The following UNC79 variants were observed in gnomAD, a reference collection of about 807,000 sequenced individuals.
UNC79 encodes the protein protein unc-79 homolog.
Under a neutral mutation model 283.1 loss-of-function variants are expected in UNC79, and 37 were observed. The ratio of observed to expected loss-of-function variants is 0.13; its 90% CI spans 0.10 to 0.17. UNC79 has a LOEUF of 0.17. UNC79 is among the 10% of genes least tolerant of loss of function. The pLI is 1.00. For synonymous variants in UNC79, 1,107 were observed against 1,200.2 expected (o/e 0.92, Z 1.61); for missense variants, 2,272 against 3,211.1 (o/e 0.71, Z 7.07).
chr14:93,340,989 A>C (rs550145819), intron 1 of UNC79, among the ~76,000 whole-genome samples: 1 of 152,272 alleles, frequency 6.6e-6, no homozygotes, highest in Admixed American at 6.5e-5. Context: ...ATTCTAAGAG[A>C]AATATGCTTT....
At chr14:93,703,951 G>A (rs1370050700) in intron 47 of UNC79, among the ~76,000 whole-genome samples, 1 of 152,170 alleles carries the variant, frequency 6.6e-6, no homozygotes, top group Admixed American at 6.5e-5. Context: ...AGGGCCCAAA[G>A]CAGAGAGAAG....
intron 40 of UNC79, among the ~76,000 whole-genome samples, chr14:93,669,736 C>T (rs1056011681): frequency 6.6e-6 from 1 of 152,098 alleles, no homozygotes; most frequent in Non-Finnish European, 1.5e-5. Flanking sequence ...GTAGTTCCAG[C>T]TACTCTGAAG....
At chr14:93,446,499 G>A (rs767796454) in intron 1 of UNC79, among the ~76,000 whole-genome samples, 11 of 151,426 alleles carry the variant, frequency 7.3e-5, no homozygotes, top group African/African-American at 2.4e-4. Flanking sequence ...AGGTTTAAGC[G>A]ATTCTCTTGC....
At chr14:93,434,428 G>A (rs572195087) in intron 1 of UNC79, among the ~76,000 whole-genome samples, 293 of 152,072 alleles carry the variant, frequency 1.9e-3, no homozygotes, top group South Asian at 9.3e-3. Flanking sequence ...TAGTGAAAAT[G>A]TTTGCATAGC....
intron 1 of UNC79, among the ~76,000 whole-genome samples, chr14:93,337,178 C>T (rs916907131): frequency 6.6e-6 from 1 of 152,208 alleles, no homozygotes; most frequent in Non-Finnish European, 1.5e-5. Flanking sequence ...TCTTCCTGCC[C>T]ATGGACCAAT....
chr14:93,333,340 T>A (rs1185596932), exon 1 of UNC79: 4 of 398,332 alleles, frequency 1.0e-5, no homozygotes, highest in Non-Finnish European at 1.3e-5. Context: ...ATAAGAACTG[T>A]GTCACTACTA....
Position 93,655,805 on chromosome 14 carries a change from A to G in UNC79, c.6456+398A>G, listed in dbSNP as rs533332284. On this transcript the variant is annotated intron_variant, in intron 38 of 48. Coordinates refer to ENST00000555664, the Ensembl canonical transcript of UNC79. The stretch of plus-strand genomic sequence containing the variant: ...AGTTTCCATTTTAGAGAATTATCTA[A>G]AGGGAAGTAATTGCTGTGTTTGTGA... Among the ~76,000 whole-genome samples, 4 of 152,314 alleles carry G rather than the reference A, an allele frequency of 2.6e-5. No homozygotes were observed. The East Asian group carries it at 7.7e-4, about 29-fold the overall frequency.
At chr14:93,627,797 C>T (rs1566811066) in intron 30 of UNC79, among the ~76,000 whole-genome samples, 1 of 152,196 alleles carries the variant, frequency 6.6e-6, no homozygotes, top group Non-Finnish European at 1.5e-5. Context: ...TATTTTTACT[C>T]ATATGAAAAT....
intron 1 of UNC79, among the ~76,000 whole-genome samples, chr14:93,343,539 CTT>C (rs1005327960): frequency 6.6e-6 from 1 of 151,424 alleles, no homozygotes; most frequent in African/African-American, 2.4e-5. Flanking sequence ...GCCTTTGGTT[CTT>C]TTTTTTTCCT....
chr14:93,558,322 T>C (rs2062304067), intron 14 of UNC79, among the ~76,000 whole-genome samples: 1 of 152,280 alleles, frequency 6.6e-6, no homozygotes, highest in African/African-American at 2.4e-5. Flanking sequence ...TTTGGGAGGC[T>C]GAGGCGGGCA....
intron 7 of UNC79, among the ~76,000 whole-genome samples, chr14:93,518,345 C>T (rs1184363834): frequency 6.6e-6 from 1 of 151,856 alleles, no homozygotes; most frequent in Non-Finnish European, 1.5e-5. Context: ...GGAATGTGAG[C>T]ATCTCATCCA....
At chr14:93,589,059 A>G (rs1215008377) in intron 22 of UNC79, among the ~76,000 whole-genome samples, 1 of 152,192 alleles carries the variant, frequency 6.6e-6, no homozygotes, top group African/African-American at 2.4e-5. Context: ...CATGGAAAAG[A>G]GTATGGGACA....
chr14:93,682,049 G>T (rs945855197), intron 41 of UNC79, among the ~76,000 whole-genome samples: 1 of 152,200 alleles, frequency 6.6e-6, no homozygotes, highest in East Asian at 1.9e-4. Flanking sequence ...GTCTGACGTG[G>T]TGACTGTTAC....
In UNC79 at chr14:93,613,323, T is replaced by A. The variant is rs116988999; in HGVS notation, c.4041+240T>A. 0.039 allele frequency among the ~76,000 whole-genome samples: 5,807 copies of A among 149,120 alleles called. 173 individuals carry two copies. Among genetic ancestry groups the A allele is most frequent in the African/African-American group, 0.085 (3,455 of 40,432 alleles). On this transcript the variant is annotated intron_variant, in intron 27 of 48. Coordinates refer to ENST00000555664, the Ensembl canonical transcript of UNC79. ...ATGCGTGTGTGTGTGTGTGTGTGTGTGAGAGAGAGAGAGAGAAAGATGCTA... is the reference window on the plus strand; with the variant it reads ...ATGCGTGTGTGTGTGTGTGTGTGTGAGAGAGAGAGAGAGAGAAAGATGCTA...
intron 8 of UNC79, among the ~76,000 whole-genome samples, chr14:93,527,540 G>T (rs1455016543): frequency 6.6e-6 from 1 of 152,178 alleles, no homozygotes; most frequent in South Asian, 2.1e-4. Context: ...GGTAAATTGA[G>T]CAATTCTAAC....
In UNC79 at chr14:93,694,285, G is replaced by A. The variant is rs201854444; in HGVS notation, c.7471-50G>A. On this transcript the variant is annotated intron_variant, in intron 46 of 48. Coordinates refer to ENST00000555664, the Ensembl canonical transcript of UNC79. The stretch of plus-strand genomic sequence containing the variant: ...TCTGCGGCTGCAAACTAGTTTGCAA[G>A]GTTTCTATATCACTGGAAATGGAAT... 4 of 1,570,496 alleles carry A rather than the reference G, an allele frequency of 2.5e-6. No individual in the cohort carries two copies. In the East Asian group the frequency reaches 6.8e-5, roughly 27 times the overall value.
intron 1 of UNC79, among the ~76,000 whole-genome samples, chr14:93,447,636 A>C (rs2056502977): frequency 6.6e-6 from 1 of 152,084 alleles, no homozygotes; most frequent in Non-Finnish European, 1.5e-5. Flanking sequence ...TTTAGCCTGA[A>C]AAACTTTCCT....
chr14:93,464,264 C>T (rs866758086), intron 1 of UNC79, among the ~76,000 whole-genome samples: 2 of 152,208 alleles, frequency 1.3e-5, no homozygotes, highest in Non-Finnish European at 2.9e-5. Flanking sequence ...TGTATTTTCT[C>T]ACAGTTCTGG....
intron 38 of UNC79, 53 bp downstream of exon 41, chr14:93,655,460 C>T: frequency 3.8e-6 from 6 of 1,584,414 alleles, no homozygotes; most frequent in South Asian, 1.1e-5. Context: ...ATTTTCAGAC[C>T]GTTTATTTAC....
Sources: gnomAD v4.1 joint callset for allele counts (sites outside exome capture counted in the v4.1 genomes callset) on GRCh38, gnomAD v4.1.1 for gene constraint, MANE v1.5 for transcripts, NCBI Gene and HGNC (gene_info 2026-07-23, HGNC 2026-07-21) for gene names.